Variants in RPS6KA2 observed in about 807,000 individuals in gnomAD.
RPS6KA2 encodes the protein ribosomal protein S6 kinase A2.
A neutral mutation model predicts 91.8 loss-of-function variants in RPS6KA2; 42 were observed. The observed-to-expected ratio is 0.46, with a 90% CI of 0.36 to 0.59. RPS6KA2 has a LOEUF of 0.59. RPS6KA2 is among the 20% of genes least tolerant of loss of function. RPS6KA2 has a pLI of 0.00. For synonymous variants in RPS6KA2, 414 were observed against 393.6 expected (o/e 1.05, Z -0.61); for missense variants, 798 against 978.5 (o/e 0.82, Z 2.46).
chr6:166,634,975 GA>G (rs971056618), intron 2 of RPS6KA2, among the ~76,000 whole-genome samples: 1 of 151,938 alleles, frequency 6.6e-6, no homozygotes, highest in Non-Finnish European at 1.5e-5. Context: ...AAATCCACAG[GA>G]AAAAAACTAA....
intron 1 of RPS6KA2, chr6:166,586,277 C>T: frequency 6.3e-7 from 1 of 1,597,712 alleles, no homozygotes; most frequent in Non-Finnish European, 8.5e-7. Flanking sequence ...ATCTGTTGTC[C>T]CTGCCTCTGA....
rs902284951 is a variant in RPS6KA2, at chr6:166,821,523, G to A, written c.123+36677C>T. On this transcript the variant is annotated intron_variant, in intron 2 of 21. Coordinates refer to the RPS6KA2 transcript ENST00000503859. This position sits in a 1 kb window ranked among gnomAD's most constrained non-coding sequence, Gnocchi z 4.1. ...TCAGTCTCCATCCTTAGCCTGGCACGGGTCTGCCCTGTCCATGTGCATCCT... is the reference window on the plus strand; with the variant it reads ...TCAGTCTCCATCCTTAGCCTGGCACAGGTCTGCCCTGTCCATGTGCATCCT... Among the ~76,000 whole-genome samples, 6 of 152,116 alleles carry A rather than the reference G, an allele frequency of 3.9e-5. No homozygotes were observed. The highest frequency in any genetic ancestry group is 7.4e-5 in the Non-Finnish European group (5 of 68,012).
Position 166,448,937 on chromosome 6 carries a change from A to G in RPS6KA2, c.1207-88T>C. On this transcript the variant is annotated intron_variant, in intron 13 of 20. Transcript: ENST00000265678. This position sits in a 1 kb window ranked among gnomAD's most constrained non-coding sequence, Gnocchi z 4.7. Reference sequence around the variant, plus strand: ...CACGCACACAGAATGTGGGGCGAAGAGAGGCACCGACTGTGAACTGAGTGT... The same window carrying G: ...CACGCACACAGAATGTGGGGCGAAGGGAGGCACCGACTGTGAACTGAGTGT... 5 of 1,522,128 alleles carry G rather than the reference A, an allele frequency of 3.3e-6. No individual in the cohort carries two copies. Among genetic ancestry groups the G allele is most frequent in the Non-Finnish European group, 4.5e-6 (5 of 1,113,534 alleles). 94.3% of individuals were successfully genotyped at this position (1,522,128 alleles called of 1,614,324 possible).
chr6:166,460,276 C>A (rs535984731), intron 11 of RPS6KA2, among the ~76,000 whole-genome samples: 2 of 152,260 alleles, frequency 1.3e-5, no homozygotes, highest in Non-Finnish European at 2.9e-5. Flanking sequence ...CTCTGTGCTC[C>A]GGTCTCAGAG....
intron 12 of RPS6KA2, among the ~76,000 whole-genome samples, chr6:166,452,338 A>G (rs991652754): frequency 1.3e-5 from 2 of 152,210 alleles, no homozygotes; most frequent in Non-Finnish European, 2.9e-5. Context: ...AAACAAATGG[A>G]AAAACATCAC....
chr6:166,836,234 C>T (rs757332741), intron 2 of RPS6KA2, among the ~76,000 whole-genome samples: 4 of 151,886 alleles, frequency 2.6e-5, no homozygotes, highest in Admixed American at 2.0e-4. Context: ...TGTCTTTGCA[C>T]GGGTTTTAGT....
chr6:166,496,401 A>T (rs1781789026), intron 8 of RPS6KA2, among the ~76,000 whole-genome samples: 1 of 151,800 alleles, frequency 6.6e-6, no homozygotes, highest in Admixed American at 6.6e-5. Context: ...AAAAAATTAA[A>T]TATATATTTT....
chr6:166,415,311 ACT>A (rs1562477825), intron 19 of RPS6KA2, among the ~76,000 whole-genome samples: 1 of 151,696 alleles, frequency 6.6e-6, no homozygotes, highest in Non-Finnish European at 1.5e-5. Context: ...GGCTTTAATA[ACT>A]CTTTTCACGA....
chr6:166,843,271 C>G (rs565890569), intron 2 of RPS6KA2, among the ~76,000 whole-genome samples: 1 of 152,208 alleles, frequency 6.6e-6, no homozygotes, highest in Admixed American at 6.5e-5. Flanking sequence ...CCTGTCCCAC[C>G]TGGGGGTCTT....
chr6:166,755,530 C>T (rs937459757), intron 2 of RPS6KA2, among the ~76,000 whole-genome samples: 1 of 152,054 alleles, frequency 6.6e-6, no homozygotes, highest in South Asian at 2.1e-4. Context: ...TGCCCTGCTG[C>T]GCTCCACTCC....
At chr6:166,704,845 C>T (rs1346256543) in intron 2 of RPS6KA2, among the ~76,000 whole-genome samples, 3 of 152,188 alleles carry the variant, frequency 2.0e-5, no homozygotes, top group Admixed American at 6.5e-5. Context: ...TCCTCTTTTT[C>T]CTTATTACAG....
intron 2 of RPS6KA2, among the ~76,000 whole-genome samples, chr6:166,738,276 C>A (rs1401319911): frequency 2.0e-5 from 3 of 152,176 alleles, no homozygotes; most frequent in Non-Finnish European, 2.9e-5. Flanking sequence ...AGGAAGTCCT[C>A]CAACATTTGG....
intron 2 of RPS6KA2, among the ~76,000 whole-genome samples, chr6:166,643,831 T>C (rs943650299): frequency 2.6e-5 from 4 of 152,216 alleles, no homozygotes; most frequent in Non-Finnish European, 4.4e-5. Context: ...AGGAATTTCT[T>C]AGATGGGAAT....
chr6:166,533,070 G>T lies in RPS6KA2; in HGVS notation c.217-1757C>A, dbSNP rs1272108887. On this transcript the variant is annotated intron_variant, in intron 2 of 20. Coordinates refer to ENST00000265678, the MANE Select transcript of RPS6KA2 (RefSeq NM_021135.6). The surrounding 1 kb of genome is among the most constrained non-coding windows in gnomAD (Gnocchi z 4.0). ...CCTCAGGGTGTTCCCTCTGTGCAGT[G>T]GGCGAGCTTCCTGACAGGCAGGTAG... Among the ~76,000 whole-genome samples, 1 of 152,248 alleles carries T rather than the reference G, an allele frequency of 6.6e-6. No individual in the cohort carries two copies. The highest frequency in any genetic ancestry group is 1.5e-5 in the Non-Finnish European group (1 of 68,040).
rs1027093413 is a variant in RPS6KA2 at position 166,437,373 on chromosome 6, G to T, written c.1333-4883C>A. On this transcript the variant is annotated intron_variant, in intron 14 of 20. Transcript: ENST00000265678. The surrounding 1 kb of genome is among the most constrained non-coding windows in gnomAD (Gnocchi z 4.3). ...CTTTATTATGCAACAAAACAGGGAG[G>T]CCTTCTCAGCAAGCGTGGTGATGAA... Among the ~76,000 whole-genome samples, 1 of 152,190 alleles carries T rather than the reference G, an allele frequency of 6.6e-6. No homozygotes were observed. The highest frequency in any genetic ancestry group is 2.4e-5 in the African/African-American group (1 of 41,436).
chr6:166,800,815 T>C (rs1779347912), intron 2 of RPS6KA2, among the ~76,000 whole-genome samples: 1 of 152,228 alleles, frequency 6.6e-6, no homozygotes, highest in Admixed American at 6.5e-5. Flanking sequence ...TCAAGGAAGA[T>C]ACCTGATTTC....
chr6:166,742,094 CT>C (rs1790833554), intron 2 of RPS6KA2, among the ~76,000 whole-genome samples: 1 of 152,186 alleles, frequency 6.6e-6, no homozygotes, highest in South Asian at 2.1e-4. Flanking sequence ...GATCACACCA[CT>C]GCACTCCAGC....
chr6:166,700,537 C>T (rs1471885177), intron 2 of RPS6KA2, among the ~76,000 whole-genome samples: 8 of 151,958 alleles, frequency 5.3e-5, no homozygotes, highest in East Asian at 1.9e-4. Flanking sequence ...ACTGAATACC[C>T]GAGGTAGTTG....
chr6:166,578,975 G>A (rs1583296379), intron 1 of RPS6KA2, among the ~76,000 whole-genome samples: 1 of 152,268 alleles, frequency 6.6e-6, no homozygotes, highest in East Asian at 1.9e-4. Flanking sequence ...AAAAGCCTCT[G>A]CATTCTATAT....
Sources: gnomAD v4.1 joint callset for allele counts (sites outside exome capture counted in the v4.1 genomes callset) on GRCh38, gnomAD v4.1.1 for gene constraint, Gnocchi (gnomAD v3.1) non-coding constraint, MANE v1.5 for transcripts, NCBI Gene and HGNC (gene_info 2026-07-23, HGNC 2026-07-21) for gene names.